VCF1: variants seen among roughly 807,000 people sequenced by gnomAD.
The protein encoded by VCF1 is protein VCF1.
chr17:73,213,280 A>G, the VCF1 span, among the ~76,000 whole-genome samples: 2 of 152,054 alleles, frequency 1.3e-5, no homozygotes, highest in Non-Finnish European at 2.9e-5. Flanking sequence ...CCTTGTTTAT[A>G]ATGGCTAAAA....
chr17:73,208,747 G>GA, the VCF1 span: 2 of 442,038 alleles, frequency 4.5e-6, no homozygotes, highest in South Asian at 4.2e-5. Context: ...GTAAGCTGCT[G>GA]ACTGACCAAG....
chr17:73,219,863 TACTC>T, the VCF1 span, among the ~76,000 whole-genome samples: 1 of 151,366 alleles, frequency 6.6e-6, no homozygotes, highest in Non-Finnish European at 1.5e-5. Context: ...TAGTCCCAGT[TACTC>T]AGGAGGCTGA....
At chr17:73,207,808 AGTT>A in the VCF1 span, 3 of 1,284,222 alleles carry the variant, frequency 2.3e-6, no homozygotes, top group African/African-American at 1.5e-5. Flanking sequence ...TACAGCATCG[AGTT>A]GTTTGCTTTA....
At chr17:73,215,058 C>A in the VCF1 span, among the ~76,000 whole-genome samples, 21 of 152,188 alleles carry the variant, frequency 1.4e-4, no homozygotes, top group Non-Finnish European at 3.1e-4. Flanking sequence ...AATAAAAACC[C>A]CTTGCAGGTC....
chr17:73,211,412 T>C, the VCF1 span, among the ~76,000 whole-genome samples: 1 of 151,740 alleles, frequency 6.6e-6, no homozygotes, highest in Non-Finnish European at 1.5e-5. Context: ...CAATTAAAAA[T>C]ACAAAAATTA....
the VCF1 span, chr17:73,229,226 AAG>A: frequency 1.0e-6 from 1 of 985,454 alleles, no homozygotes; most frequent in Non-Finnish European, 1.2e-6. Context: ...CAGATTAAGA[AAG>A]AGTCCTACCT....
the VCF1 span, among the ~76,000 whole-genome samples, chr17:73,214,316 T>TAA: frequency 3.5e-5 from 5 of 143,756 alleles, no homozygotes; most frequent in African/African-American, 7.7e-5. Flanking sequence ...CAACCAGCAT[T>TAA]AAAAAAAAAA....
the VCF1 span, among the ~76,000 whole-genome samples, chr17:73,223,310 T>A: frequency 6.6e-6 from 1 of 151,830 alleles, no homozygotes; most frequent in Non-Finnish European, 1.5e-5. Context: ...AGAGTGAAAC[T>A]CCCTCTCAAA....
At chr17:73,227,527 G>C in the VCF1 span, 4 of 727,504 alleles carry the variant, frequency 5.5e-6, no homozygotes, top group South Asian at 2.2e-4. Flanking sequence ...TTAAATGTCT[G>C]TTGGGACTGA....
chr17:73,231,744 A>G, the VCF1 span, among the ~76,000 whole-genome samples: 1 of 151,978 alleles, frequency 6.6e-6, no homozygotes, highest in Non-Finnish European at 1.5e-5. Flanking sequence ...TGAGACGTTT[A>G]TCCCATCCCC....
the VCF1 span, among the ~76,000 whole-genome samples, chr17:73,225,635 A>G: frequency 9.9e-3 from 1,497 of 151,966 alleles, 9 homozygotes; most frequent in Middle Eastern, 0.02. Context: ...GGAAATACTG[A>G]TGGCCAACAC....
chr17:73,229,232 C>A, the VCF1 span: 1 of 985,334 alleles, frequency 1.0e-6, no homozygotes, highest in Non-Finnish European at 1.2e-6. Context: ...AAGAAAGAGT[C>A]CTACCTGCTC....
chr17:73,232,122 T>C, the VCF1 span: 1 of 1,609,946 alleles, frequency 6.2e-7, no homozygotes, highest in Non-Finnish European at 8.5e-7. Flanking sequence ...AGCTGGCGGA[T>C]GGAAGCTACG....
the VCF1 span, among the ~76,000 whole-genome samples, chr17:73,212,934 T>A: frequency 6.6e-6 from 1 of 152,150 alleles, no homozygotes; most frequent in East Asian, 1.9e-4. Flanking sequence ...TTAGGTAGAT[T>A]TGCAATTTCC....
the VCF1 span, chr17:73,232,094 G>C: frequency 6.2e-7 from 1 of 1,607,012 alleles, no homozygotes; most frequent in South Asian, 1.1e-5. Flanking sequence ...ACCTGGGACG[G>C]AGGCGCTCGC....
the VCF1 span, among the ~76,000 whole-genome samples, chr17:73,226,900 A>G: frequency 6.6e-6 from 1 of 152,238 alleles, no homozygotes. Context: ...GAGTTCAAAC[A>G]TAGGCTTTCA....
At chr17:73,227,411 T>C in the VCF1 span, 1 of 677,230 alleles carries the variant, frequency 1.5e-6, no homozygotes. Flanking sequence ...AGGTTATCAG[T>C]TGGAAGTACA....
the VCF1 span, among the ~76,000 whole-genome samples, chr17:73,230,319 A>G: frequency 4.6e-5 from 7 of 152,004 alleles, no homozygotes; most frequent in Admixed American, 6.5e-5. Context: ...CAATCAACCA[A>G]TCAATCAATC....
chr17:73,207,973 T>A, the VCF1 span: 1 of 1,244,832 alleles, frequency 8.0e-7, no homozygotes, highest in Non-Finnish European at 1.0e-6. Flanking sequence ...ATCCAGTCCC[T>A]AAGCATGGGC....
Sources: allele counts gnomAD v4.1 joint callset (sites outside exome capture counted in the v4.1 genomes callset), GRCh38; gene constraint gnomAD v4.1.1; transcripts MANE v1.5; gene names NCBI Gene and HGNC (gene_info 2026-07-23, HGNC 2026-07-21).